ANK2: variants seen among roughly 807,000 people sequenced by gnomAD.
The protein encoded by ANK2 is ankyrin-2.
In ANK2, 83 loss-of-function variants were observed where a neutral mutation model predicts 360.5. That is an observed-to-expected ratio of 0.23 (90% CI 0.19 to 0.28). The LOEUF (loss-of-function observed/expected upper bound fraction) is 0.28. ANK2 is among the 10% of genes least tolerant of loss of function. ANK2 has a pLI of 1.00. For missense variants in ANK2, 4,201 were observed against 4,795.7 expected (o/e 0.88, Z 3.66); for synonymous variants, 1,740 against 1,759.5 (o/e 0.99, Z 0.28).
chr4:113,011,147 A>G (rs1029862953), intron 2 of ANK2, among the ~76,000 whole-genome samples: 13 of 152,132 alleles, frequency 8.5e-5, no homozygotes, highest in Admixed American at 7.9e-4. Context: ...GCTGTATTTC[A>G]TAATACAAAA....
intron 2 of ANK2, among the ~76,000 whole-genome samples, chr4:112,987,992 G>C (rs993462030): frequency 6.6e-6 from 1 of 152,140 alleles, no homozygotes; most frequent in Non-Finnish European, 1.5e-5. Flanking sequence ...TGCTAGAGCA[G>C]AGCTAGCACG....
At chr4:112,723,964 C>A in the ANK2 span, among the ~76,000 whole-genome samples, 3 of 151,962 alleles carry the variant, frequency 2.0e-5, no homozygotes, top group Non-Finnish European at 4.4e-5. Flanking sequence ...TACCCTAAAA[C>A]ATTAAAGGGA....
Position 112,889,233 on chromosome 4 carries a change from CA to C in ANK2, c.-39-15209del, listed in dbSNP as rs34818154. On this transcript the variant is annotated intron_variant, in intron 1 of 30. Coordinates refer to the ANK2 transcript ENST00000503271. ...GCTATAGCTGTTGGGGTCACTCATT[CA>C]AAAAAAAAAAAACAAAACCTTAAAT... Among the ~76,000 whole-genome samples, 411 of 129,866 alleles carry C rather than the reference CA, an allele frequency of 3.2e-3. 1 individual carries two copies. Among genetic ancestry groups the C allele is most frequent in the South Asian group, 0.014 (57 of 3,986 alleles). The allele number at this position is 129,866 out of a possible 152,430, so 85.2% of individuals were successfully genotyped here.
At chr4:113,073,141 T>C (rs918425597) in intron 1 of ANK2, among the ~76,000 whole-genome samples, 29 of 151,826 alleles carry the variant, frequency 1.9e-4, no homozygotes, top group African/African-American at 6.8e-4. Flanking sequence ...TTTGTATTTT[T>C]GGTAGAGATG....
At chr4:112,835,877 A>C (rs1448454850) in intron 1 of ANK2, among the ~76,000 whole-genome samples, 1 of 152,002 alleles carries the variant, frequency 6.6e-6, no homozygotes, top group Non-Finnish European at 1.5e-5. Flanking sequence ...CCATTTCTTA[A>C]TTTTTCCCCA....
chr4:113,053,852 C>T (rs993462539), intron 1 of ANK2, among the ~76,000 whole-genome samples: 8 of 152,194 alleles, frequency 5.3e-5, no homozygotes, highest in Non-Finnish European at 8.8e-5. Context: ...CTCTCATCCT[C>T]TCAAAATGCT....
At chr4:112,947,029 C>A (rs2094585467) in intron 2 of ANK2, among the ~76,000 whole-genome samples, 1 of 152,194 alleles carries the variant, frequency 6.6e-6, no homozygotes, top group Admixed American at 6.5e-5. Flanking sequence ...GCAGAAACAA[C>A]AAATCAGTAT....
At chr4:113,105,842 C>T (rs963773660) in intron 1 of ANK2, among the ~76,000 whole-genome samples, 1 of 152,124 alleles carries the variant, frequency 6.6e-6, no homozygotes, top group African/African-American at 2.4e-5. Flanking sequence ...TACTAGTGTA[C>T]AGTGTGAGAC....
rs749587722 is a variant in ANK2, at chr4:113,354,216, T to C, written c.5598T>C (p.His1866=). ...PVSPSAKTER[H]SPASSSSKTE... is the part of the protein sequence containing the mutation. The stretch of plus-strand genomic sequence containing the variant: ...CACCCTCTGCAAAAACGGAAAGACA[T>C]TCACCTGCGTCATCATCGAGTAAAA... The change falls in exon 38 of 46, where the codon CAT becomes CAC. Residue 1866 remains histidine, a synonymous_variant. Coordinates refer to ENST00000357077, the MANE Select transcript of ANK2 (RefSeq NM_001148.6). 1 of 1,613,368 alleles carries C rather than the reference T, an allele frequency of 6.2e-7. No individual in the cohort carries two copies. The highest frequency in any genetic ancestry group is 8.5e-7 in the Non-Finnish European group (1 of 1,179,754).
Position 113,358,263 on chromosome 4 carries a change from AG to A in ANK2, c.9646del (p.Glu3216LysfsTer5). On this transcript the variant is annotated frameshift_variant, in exon 38 of 46. Coordinates refer to ENST00000357077, the MANE Select transcript of ANK2 (RefSeq NM_001148.6). LOFTEE classifies it high-confidence loss of function. ...ISASTETPTK[E>X]AVSVGTKDLP... ...CAGCCTCCACTGAAACACCTACAAA[AG>A]AAGCTGTTAGTGTAGGGACCAAGGA... The A allele has an allele frequency of 6.2e-7, 1 of 1,614,066 alleles. No individual in the cohort carries two copies.
rs2095548586 is a variant in ANK2 at position 113,353,562 on chromosome 4, G to A, written c.4944G>A (p.Val1648=). The A allele has an allele frequency of 6.2e-7, 1 of 1,613,930 alleles. No individual in the cohort carries two copies. The highest frequency in any genetic ancestry group is 1.7e-5 in the Admixed American group (1 of 59,980). Residue 1648 remains valine, a synonymous_variant, in exon 38 of 46, where the codon GTG becomes GTA. Coordinates refer to ENST00000357077, the MANE Select transcript of ANK2 (RefSeq NM_001148.6). ...NYLTDDLNTC[V]PLPKEQLQTV... ...TTACTGATGATCTGAATACCTGTGT[G>A]CCTCTTCCCAAAGAGCAGCTGCAGA...
intron 2 of ANK2, among the ~76,000 whole-genome samples, chr4:113,184,878 GC>G (rs2098485580): frequency 6.6e-6 from 1 of 151,770 alleles, no homozygotes; most frequent in Admixed American, 6.6e-5. Flanking sequence ...TCCCCAACAG[GC>G]CCCGGTGTGT....
intron 23 of ANK2, among the ~76,000 whole-genome samples, chr4:113,305,092 G>T (rs4833425): frequency 0.54 from 81,700 of 151,410 alleles, 22,477 homozygotes; most frequent in South Asian, 0.63. Context: ...TGTAATCCCA[G>T]CACTTTGGGA....
intron 1 of ANK2, among the ~76,000 whole-genome samples, chr4:112,838,485 G>A (rs1463509696): frequency 6.6e-6 from 1 of 152,196 alleles, no homozygotes; most frequent in Non-Finnish European, 1.5e-5. Context: ...TTAACCCTGA[G>A]TTGTGGAACT....
chr4:113,128,482 CGTT>C (rs973596150), intron 1 of ANK2, among the ~76,000 whole-genome samples: 1 of 152,006 alleles, frequency 6.6e-6, no homozygotes, highest in African/African-American at 2.4e-5. Context: ...CATATGAACT[CGTT>C]GTTATTTATT....
At chr4:112,858,024 T>C (rs1018248437) in intron 1 of ANK2, among the ~76,000 whole-genome samples, 4 of 152,184 alleles carry the variant, frequency 2.6e-5, no homozygotes, top group African/African-American at 7.2e-5. Flanking sequence ...TAAGATTGAA[T>C]AGTTCCTAGT....
intron 29 of ANK2, among the ~76,000 whole-genome samples, chr4:113,333,422 G>A (rs190694918): frequency 2.5e-4 from 38 of 151,982 alleles, no homozygotes; most frequent in Non-Finnish European, 4.0e-4. Context: ...TTTTACTCCT[G>A]TTACATTCAG....
At chr4:113,363,103 A>G (rs940417107) in intron 39 of ANK2, among the ~76,000 whole-genome samples, 2 of 152,156 alleles carry the variant, frequency 1.3e-5, no homozygotes, top group Admixed American at 1.3e-4. Context: ...GCTGCCTCAC[A>G]CTTACTATTT....
At chr4:112,765,989 C>G in the ANK2 span, among the ~76,000 whole-genome samples, 1 of 152,150 alleles carries the variant, frequency 6.6e-6, no homozygotes, top group Non-Finnish European at 1.5e-5. Context: ...TTAACTTACT[C>G]TCAGCATGAC....
Sources: gnomAD v4.1 joint callset for allele counts (sites outside exome capture counted in the v4.1 genomes callset) on GRCh38, gnomAD v4.1.1 for gene constraint, MANE v1.5 for transcripts, NCBI Gene and HGNC (gene_info 2026-07-23, HGNC 2026-07-21) for gene names.